GRAMD1B: variants seen among roughly 807,000 people sequenced by gnomAD.
GRAMD1B encodes protein Aster-B.
In GRAMD1B, 37 loss-of-function variants were observed where a neutral mutation model predicts 99.7. The observed-to-expected ratio is 0.37, with a 90% CI of 0.29 to 0.49. The LOEUF is 0.49. Ranked by LOEUF, GRAMD1B falls within the 20% of genes least tolerant of loss-of-function variation. The pLI is 0.98. For missense variants in GRAMD1B, 888 were observed against 1,009.2 expected (o/e 0.88, Z 1.63); for synonymous variants, 427 against 387.6 (o/e 1.10, Z -1.19).
At chr11:123,360,678 AT>A (rs1946108750) in intron 1 of GRAMD1B, among the ~76,000 whole-genome samples, 1 of 152,140 alleles carries the variant, frequency 6.6e-6, no homozygotes, top group African/African-American at 2.4e-5. Flanking sequence ...TGAGTGCCCT[AT>A]TTGGTTGCCT....
intron 9 of GRAMD1B, 94 bp downstream of exon 9, chr11:123,603,635 C>A: frequency 1.3e-6 from 1 of 768,732 alleles, no homozygotes; most frequent in Non-Finnish European, 2.3e-6. Context: ...CATGCCTGTG[C>A]AGCCATGGAA....
At chr11:123,578,569 C>T in intron 3 of GRAMD1B, 1 of 676,948 alleles carries the variant, frequency 1.5e-6, no homozygotes, top group Non-Finnish European at 2.6e-6. Flanking sequence ...GGGCCGGCCC[C>T]ACTGTCCCCC....
Position 123,612,808 on chromosome 11 carries a change from A to G in GRAMD1B, c.1967A>G (p.Lys656Arg). 6.2e-7 allele frequency: 1 copy of G among 1,612,792 alleles called. No individual in the cohort carries two copies. The highest frequency in any genetic ancestry group is 1.1e-5 in the South Asian group (1 of 90,728). Residue 656 changes from lysine to arginine, a missense_variant, in exon 15 of 20, where the codon AAA becomes AGA. This residue lies in a region of GRAMD1B where 92 missense variants were observed against 156.9 expected (regional missense o/e 0.59). Coordinates refer to ENST00000635736, the MANE Select transcript of GRAMD1B (RefSeq NM_001387025.1). ...RYRKQPWGLV[K>R]TFIEKNFWSG... ...CGAAAACAGCCCTGGGGGTTAGTGA[A>G]AACGTTCATCGAGAAGAACTTCTGG... is the stretch of plus-strand genomic sequence containing the variant.
chr11:123,608,527 T>C, intron 11 of GRAMD1B, 132 bp from the exon 12 acceptor site: 2 of 1,542,632 alleles, frequency 1.3e-6, no homozygotes, highest in Non-Finnish European at 1.7e-6. Context: ...GCTGTCCTGC[T>C]CCGTGTCCTC....
At chr11:123,517,283 AT>A (rs1800816338) in intron 2 of GRAMD1B, among the ~76,000 whole-genome samples, 1 of 152,238 alleles carries the variant, frequency 6.6e-6, no homozygotes, top group South Asian at 2.1e-4. Flanking sequence ...GCACAAAACA[AT>A]GCAAAAATAT....
intron 4 of GRAMD1B, among the ~76,000 whole-genome samples, chr11:123,592,871 GCTCCT>G (rs1332184999): frequency 1.6e-4 from 25 of 152,132 alleles, no homozygotes; most frequent in African/African-American, 5.8e-4. Flanking sequence ...CACCCCCGGT[GCTCCT>G]CATTTGTGGG....
intron 1 of GRAMD1B, among the ~76,000 whole-genome samples, chr11:123,472,889 C>T (rs1217270905): frequency 6.6e-6 from 1 of 152,202 alleles, no homozygotes; most frequent in Non-Finnish European, 1.5e-5. Flanking sequence ...TAGCCTTTTC[C>T]TATTGGCACA....
At chr11:123,526,285 G>A in intron 2 of GRAMD1B, 3 of 905,660 alleles carry the variant, frequency 3.3e-6, no homozygotes, top group Non-Finnish European at 3.6e-6. Context: ...GGCATCGAGG[G>A]GTTAAGATGT....
At chr11:123,606,838 GT>G in intron 11 of GRAMD1B, 40 bp downstream of exon 11, 1 of 1,520,244 alleles carries the variant, frequency 6.6e-7, no homozygotes, top group Non-Finnish European at 9.1e-7. Flanking sequence ...CCCTTGCTCT[GT>G]TTTGAAGGCT....
chr11:123,531,909 A>AT (rs1943429765), intron 2 of GRAMD1B, among the ~76,000 whole-genome samples: 1 of 151,454 alleles, frequency 6.6e-6, no homozygotes, highest in African/African-American at 2.4e-5. Context: ...CTAATTTTGT[A>AT]TTTTTTTAGT....
intron 1 of GRAMD1B, among the ~76,000 whole-genome samples, chr11:123,462,819 A>C (rs1443838312): frequency 6.8e-6 from 1 of 146,636 alleles, no homozygotes; most frequent in African/African-American, 2.5e-5. Context: ...CCTTCCCTCC[A>C]CTATTGTCCC....
At chr11:123,418,578 G>A (rs146332281) in intron 1 of GRAMD1B, among the ~76,000 whole-genome samples, 2 of 152,250 alleles carry the variant, frequency 1.3e-5, no homozygotes, top group African/African-American at 2.4e-5. Context: ...AAGGGCATTA[G>A]AGTCCCAGGT....
chr11:123,567,687 T>C (rs1393167209), intron 2 of GRAMD1B, among the ~76,000 whole-genome samples: 1 of 152,300 alleles, frequency 6.6e-6, no homozygotes, highest in African/African-American at 2.4e-5. Context: ...AACTCTGGAC[T>C]GAACAGAAGC....
At chr11:123,500,864 A>G (rs569118700) in intron 2 of GRAMD1B, among the ~76,000 whole-genome samples, 1 of 152,094 alleles carries the variant, frequency 6.6e-6, no homozygotes, top group African/African-American at 2.4e-5. Flanking sequence ...TGTAGAGACA[A>G]GGTTTCACCA....
At chr11:123,609,990 T>C in intron 13 of GRAMD1B, 77 bp downstream of exon 13, 1 of 954,714 alleles carries the variant, frequency 1.0e-6, no homozygotes, top group Non-Finnish European at 1.6e-6. Context: ...AGGGCAGATG[T>C]CAGGAAGAAG....
chr11:123,466,477 G>GAAAGAAAGAA (rs1212230910), intron 1 of GRAMD1B, among the ~76,000 whole-genome samples: 2 of 151,618 alleles, frequency 1.3e-5, no homozygotes, highest in African/African-American at 4.8e-5. Flanking sequence ...AGAAAAGAAA[G>GAAAGAAAGAA]AAAGAAAGAA....
intron 2 of GRAMD1B, chr11:123,560,695 T>C (rs752997492): frequency 2.1e-4 from 48 of 227,196 alleles, no homozygotes; most frequent in South Asian, 1.1e-3. Flanking sequence ...TGTGTGTGTG[T>C]GTGTGTGTGT....
rs1357694836 is a variant in GRAMD1B, at chr11:123,431,062, C to G, written c.270C>G (p.Thr90=). 1.4e-6 allele frequency: 1 copy of G among 702,916 alleles called. No homozygotes were observed. Among genetic ancestry groups the G allele is most frequent in the African/African-American group, 1.7e-5 (1 of 57,266 alleles). 43.5% of individuals were successfully genotyped at this position (702,916 alleles called of 1,614,324 possible). The change falls in exon 1 of 20, where the codon ACC becomes ACG. Residue 90 remains threonine, a synonymous_variant. Coordinates refer to ENST00000635736, the MANE Select transcript of GRAMD1B (RefSeq NM_001387025.1). The part of the protein sequence containing the change: ...IEITPSSDED[T]PWSNCSTPSA... Reference sequence around the variant, plus strand: ...TCACGCCCTCCAGCGACGAGGACACCCCGTGGTCCAACTGCTCCACACCCA... The same window carrying G: ...TCACGCCCTCCAGCGACGAGGACACGCCGTGGTCCAACTGCTCCACACCCA...
chr11:123,562,847 A>G (rs1946926743), intron 2 of GRAMD1B, among the ~76,000 whole-genome samples: 1 of 152,254 alleles, frequency 6.6e-6, no homozygotes, highest in Non-Finnish European at 1.5e-5. Context: ...CTATACCCAG[A>G]GACTCCTAAA....
Sources: allele counts gnomAD v4.1 joint callset (sites outside exome capture counted in the v4.1 genomes callset), GRCh38; gene constraint gnomAD v4.1.1; regional missense constraint gnomAD v4.1.1; transcripts MANE v1.5; gene names NCBI Gene and HGNC (gene_info 2026-07-23, HGNC 2026-07-21).